The following DNAH10 variants were observed in gnomAD, a reference collection of about 807,000 sequenced individuals.
DNAH10 encodes dynein axonemal heavy chain 10.
Under a neutral mutation model 506.6 loss-of-function variants are expected in DNAH10, and 348 were observed. That is an observed-to-expected ratio of 0.69 (90% CI 0.63 to 0.75). The LOEUF (loss-of-function observed/expected upper bound fraction) is 0.75. Ranked by LOEUF, DNAH10 falls within the 30% of genes least tolerant of loss-of-function variation. The pLI, the probability that DNAH10 is intolerant of heterozygous loss-of-function variation, is 0.00. For missense variants in DNAH10, 5,179 were observed against 5,787.1 expected (o/e 0.89, Z 3.41); for synonymous variants, 2,059 against 2,198.6 (o/e 0.94, Z 1.78).
chr12:123,763,479 G>A (rs1207047189), intron 1 of DNAH10, among the ~76,000 whole-genome samples: 1 of 152,100 alleles, frequency 6.6e-6, no homozygotes, highest in African/African-American at 2.4e-5. Context: ...GCCTCTCACT[G>A]GGTTCGGGTG....
At position 123,856,439 on chromosome 12, in the gene DNAH10, C is replaced by T. The variant is rs1035333079; in HGVS notation, c.6439-617C>T. Among the ~76,000 whole-genome samples, 11 of 150,280 alleles carry T rather than the reference C, an allele frequency of 7.3e-5. No individual in the cohort carries two copies. The South Asian group carries it at 1.2e-3, about 17-fold the overall frequency. On this transcript the variant is annotated intron_variant, in intron 36 of 78. Coordinates refer to ENST00000673944, the MANE Select transcript of DNAH10 (RefSeq NM_001372106.1). ...GCAACCTCCACCTCCTGGGTTCAAG[C>T]GATTCTCCTGCCTCAGCCTCCCGAG...
intron 40 of DNAH10, 29 bp downstream of exon 40, chr12:123,864,759 C>T (rs1951739493): frequency 1.3e-6 from 2 of 1,582,214 alleles, no homozygotes; most frequent in African/African-American, 1.4e-5. Context: ...TAAATTTGAA[C>T]ATAAATCTTT....
chr12:123,859,102 CA>C, intron 37 of DNAH10, 47 bp from the exon 38 acceptor site: 1 of 1,528,718 alleles, frequency 6.5e-7, no homozygotes, highest in Non-Finnish European at 8.9e-7. Context: ...AAAACTGCGT[CA>C]GAAAAAAGAT....
chr12:123,906,774 G>A (rs1265989181), intron 57 of DNAH10, among the ~76,000 whole-genome samples: 2 of 152,058 alleles, frequency 1.3e-5, no homozygotes, highest in African/African-American at 4.8e-5. Flanking sequence ...GATGTTAAGC[G>A]CAATGAGCCG....
intron 48 of DNAH10, among the ~76,000 whole-genome samples, 187 bp from the exon 49 acceptor site, chr12:123,879,077 A>G (rs1952384551): frequency 6.6e-6 from 1 of 152,120 alleles, no homozygotes; most frequent in African/African-American, 2.4e-5. Flanking sequence ...GGGGGTTTAC[A>G]TTACTTTCTT....
At chr12:123,898,503 A>G in intron 55 of DNAH10, 150 bp from the exon 56 acceptor site, 1 of 1,026,424 alleles carries the variant, frequency 9.7e-7, no homozygotes, top group Non-Finnish European at 1.4e-6. Context: ...ATGCTGTCCC[A>G]AGTATGGCAG....
intron 1 of DNAH10, among the ~76,000 whole-genome samples, chr12:123,764,742 G>A (rs1956955082): frequency 6.6e-6 from 1 of 152,130 alleles, no homozygotes; most frequent in Non-Finnish European, 1.5e-5. Flanking sequence ...TTTCTGGGCT[G>A]TCTCTGTCCC....
rs1388183795 is a variant in DNAH10, at chr12:123,794,126, C to T, written c.1986+14C>T. Reference sequence around the variant, plus strand: ...TACTGTAAAGAGGTAATTGAAAAATCGATAGCTGCCATAGCATTAAAAATA... The same window carrying T: ...TACTGTAAAGAGGTAATTGAAAAATTGATAGCTGCCATAGCATTAAAAATA... On this transcript the variant is annotated intron_variant, in intron 12 of 78. Transcript: ENST00000673944. 7 of 1,164,048 alleles carry T rather than the reference C, an allele frequency of 6.0e-6. No individual in the cohort carries two copies. Among genetic ancestry groups the T allele is most frequent in the East Asian group, 6.9e-5 (1 of 14,430 alleles). The allele number at this position is 1,164,048 out of a possible 1,614,324, so 72.1% of individuals were successfully genotyped here.
At chr12:123,773,552 G>A (rs1015591412) in intron 4 of DNAH10, among the ~76,000 whole-genome samples, 2 of 152,348 alleles carry the variant, frequency 1.3e-5, no homozygotes, top group African/African-American at 4.8e-5. Context: ...CAGCTCTGGA[G>A]GCTGGGAAGT....
chr12:123,830,780 TAAA>T (rs553207799), intron 26 of DNAH10, 81 bp downstream of exon 26: 213 of 941,200 alleles, frequency 2.3e-4, no homozygotes, highest in South Asian at 5.5e-4. Context: ...TCATCTATAC[TAAA>T]AAAAAAAAAA....
intron 38 of DNAH10, among the ~76,000 whole-genome samples, chr12:123,860,737 A>T (rs1951578850): frequency 6.6e-6 from 1 of 152,192 alleles, no homozygotes; most frequent in African/African-American, 2.4e-5. Flanking sequence ...TGAAATATAC[A>T]TGAAAGTTAG....
rs1476101000 is a variant in DNAH10, at chr12:123,897,806, A to G, written c.9317A>G (p.Asn3106Ser). The G allele has an allele frequency of 6.2e-7, 1 of 1,608,992 alleles. No homozygotes were observed. Among genetic ancestry groups the G allele is most frequent in the Non-Finnish European group, 8.5e-7 (1 of 1,178,766 alleles). ...NPMIPAENIE[N>S]VVKHVVLVHQ... ...ATGATCCCGGCAGAAAATATAGAAA[A>G]TGTGGTGAAGCATGTTGTCTTGGTT... The change falls in exon 55 of 79, where the codon AAT becomes AGT. Residue 3106 changes from asparagine (N) to serine (S), a missense_variant. Physicochemically the swap from Asn to Ser is conservative, Grantham distance 46 (BLOSUM62 1). Around this residue, in one of 3 missense-constraint regions of DNAH10, gnomAD observed 4,844 missense variants for 5,430.5 expected, o/e 0.89. Coordinates refer to ENST00000673944, the MANE Select transcript of DNAH10 (RefSeq NM_001372106.1).
chr12:123,908,533 C>G, intron 57 of DNAH10: 1 of 456,114 alleles, frequency 2.2e-6, no homozygotes, highest in Non-Finnish European at 4.4e-6. Flanking sequence ...TTTCACTGAC[C>G]TTGCCTGGCA....
At chr12:123,880,998 G>A (rs1381068162) in intron 50 of DNAH10, among the ~76,000 whole-genome samples, 3 of 151,998 alleles carry the variant, frequency 2.0e-5, no homozygotes, top group East Asian at 1.9e-4. Flanking sequence ...TTTAATGGAT[G>A]CATAGTATTC....
intron 67 of DNAH10, among the ~76,000 whole-genome samples, chr12:123,924,838 G>A (rs927551076): frequency 6.6e-6 from 1 of 152,190 alleles, no homozygotes; most frequent in Non-Finnish European, 1.5e-5. Context: ...CCCTTGATGG[G>A]CACTGGGGAC....
intron 25 of DNAH10, among the ~76,000 whole-genome samples, chr12:123,829,709 CGT>C (rs138601397): frequency 6.0e-5 from 9 of 151,050 alleles, no homozygotes; most frequent in African/African-American, 1.2e-4. Flanking sequence ...TTTCCATGGC[CGT>C]GTGTGTGTGT....
Position 123,868,073 on chromosome 12 carries a change from T to G in DNAH10, c.7473T>G (p.Ser2491=). 1 of 1,613,882 alleles carries G rather than the reference T, an allele frequency of 6.2e-7. No homozygotes were observed. The highest frequency in any genetic ancestry group is 8.5e-7 in the Non-Finnish European group (1 of 1,179,876). ...ATATCAAACGCCTTGCTTCTTTGTCTACTGTTGACACAGAAGGAGTTTGGG... is the reference window on the plus strand; with the variant it reads ...ATATCAAACGCCTTGCTTCTTTGTCGACTGTTGACACAGAAGGAGTTTGGG... ...DEYIKRLASL[S]TVDTEGVWAN... is the part of the protein sequence containing the mutation. The change falls in exon 43 of 79, where the codon TCT becomes TCG. Residue 2491 remains serine (S), a synonymous_variant. Transcript: ENST00000673944.
At chr12:123,777,686 C>T (rs753866505) in intron 5 of DNAH10, among the ~76,000 whole-genome samples, 5 of 152,166 alleles carry the variant, frequency 3.3e-5, no homozygotes, top group Admixed American at 2.0e-4. Context: ...CATTCTGCCA[C>T]CTAGGCTGGA....
chr12:123,832,149 A>T (rs1175632589), intron 26 of DNAH10, among the ~76,000 whole-genome samples: 4 of 152,226 alleles, frequency 2.6e-5, no homozygotes, highest in Non-Finnish European at 1.5e-5. Flanking sequence ...ACACATGTAC[A>T]TATGCACATA....
Sources: gnomAD v4.1 joint callset for allele counts (sites outside exome capture counted in the v4.1 genomes callset) on GRCh38, gnomAD v4.1.1 for gene constraint, gnomAD v4.1.1 regional missense constraint, MANE v1.5 for transcripts, NCBI Gene and HGNC (gene_info 2026-07-23, HGNC 2026-07-21) for gene names.